TMC1: variants seen among roughly 807,000 people sequenced by gnomAD.
The protein encoded by TMC1 is transmembrane channel like 1.
A neutral mutation model predicts 105.8 loss-of-function variants in TMC1; 84 were observed. That is an observed-to-expected ratio of 0.79 (90% confidence interval 0.67 to 0.95). The LOEUF is 0.95. TMC1 is among the 40% of genes least tolerant of loss of function. The probability of loss-of-function intolerance (pLI) is 0.00; values close to 1 mark genes in which losing one functional copy is unlikely to be tolerated. For missense variants in TMC1, 817 were observed against 914.1 expected (o/e 0.89, Z 1.37); for synonymous variants, 315 against 311.5 (o/e 1.01, Z -0.12).
At chr9:72,650,046 C>G (rs956707513) in intron 5 of TMC1, among the ~76,000 whole-genome samples, 1 of 152,070 alleles carries the variant, frequency 6.6e-6, no homozygotes, top group African/African-American at 2.4e-5. Context: ...AGTTTAACAG[C>G]TTTATTTTAA....
intron 1 of TMC1, among the ~76,000 whole-genome samples, chr9:72,532,317 G>C (rs1823510030): frequency 6.6e-6 from 1 of 151,942 alleles, no homozygotes; most frequent in Admixed American, 6.6e-5. Flanking sequence ...GAGGCGGGCA[G>C]ATCACTTGAG....
intron 18 of TMC1, among the ~76,000 whole-genome samples, chr9:72,812,576 C>T (rs1828723692): frequency 6.6e-6 from 1 of 152,204 alleles, no homozygotes; most frequent in African/African-American, 2.4e-5. Context: ...CCTGTGAAAA[C>T]AGCATTTCTG....
chr9:72,704,433 C>G (rs578181637), intron 8 of TMC1, among the ~76,000 whole-genome samples: 48 of 152,256 alleles, frequency 3.2e-4, no homozygotes, highest in African/African-American at 1.0e-3. Context: ...ATGGGAGACT[C>G]AGAGATAGTT....
At chr9:72,649,883 C>G (rs1271797590) in intron 5 of TMC1, among the ~76,000 whole-genome samples, 1 of 152,128 alleles carries the variant, frequency 6.6e-6, no homozygotes, top group African/African-American at 2.4e-5. Flanking sequence ...GTAGTTTTTA[C>G]AAAAACTTGT....
At chr9:72,739,431 C>T (rs188503062) in intron 8 of TMC1, among the ~76,000 whole-genome samples, 1 of 152,296 alleles carries the variant, frequency 6.6e-6, no homozygotes, top group African/African-American at 2.4e-5. Flanking sequence ...ATGTAGCATG[C>T]TTGCATTATG....
intron 19 of TMC1, chr9:72,817,240 A>C (rs374155855): frequency 6.6e-6 from 1 of 152,164 alleles, no homozygotes. Context: ...TGACTAGGTG[A>C]ATCAATATGG....
chr9:72,753,229 C>T (rs1827611255), intron 11 of TMC1, among the ~76,000 whole-genome samples: 6 of 148,242 alleles, frequency 4.0e-5, no homozygotes. Context: ...CCCAAGTGCA[C>T]ACTTTCAGGT....
intron 17 of TMC1, among the ~76,000 whole-genome samples, chr9:72,798,176 C>G (rs1828405465): frequency 6.6e-6 from 1 of 152,124 alleles, no homozygotes; most frequent in African/African-American, 2.4e-5. Flanking sequence ...GATACCAGCT[C>G]TCACCAGTCA....
At position 72,739,610 on chromosome 9, in the gene TMC1, T is replaced by G. The variant is rs114939993; in HGVS notation, c.363-509T>G. On this transcript the variant is annotated intron_variant, in intron 8 of 23. Coordinates refer to ENST00000297784, the MANE Select transcript of TMC1 (RefSeq NM_138691.3). ...CTTTCTCTTCTCAACCCCATTTACT[T>G]TACAGAATGATTTTTCTGTTTTAAG... Among the ~76,000 whole-genome samples, 1,301 of 152,312 alleles carry G rather than the reference T, an allele frequency of 8.5e-3. 13 individuals are homozygous for G. The highest frequency in any genetic ancestry group is 0.03 in the African/African-American group (1,234 of 41,560).
intron 21 of TMC1, among the ~76,000 whole-genome samples, chr9:72,827,973 G>T (rs369264203): frequency 1.1e-4 from 16 of 152,308 alleles, no homozygotes; most frequent in African/African-American, 3.8e-4. Context: ...GTGAGGGCAG[G>T]TTTATCTTCT....
intron 2 of TMC1, among the ~76,000 whole-genome samples, chr9:72,605,294 A>G (rs1031187939): frequency 6.6e-6 from 1 of 152,192 alleles, no homozygotes; most frequent in Non-Finnish European, 1.5e-5. Flanking sequence ...ATTTCTGGGG[A>G]TGAGGAATCC....
intron 6 of TMC1, 82 bp from the exon 7 acceptor site, chr9:72,694,461 A>C (rs1588035580): frequency 9.7e-6 from 12 of 1,236,786 alleles, no homozygotes; most frequent in East Asian, 5.0e-5. Context: ...GTGTAATAAT[A>C]GTTATTAAAA....
At chr9:72,717,068 G>T (rs1321466175) in intron 8 of TMC1, among the ~76,000 whole-genome samples, 1 of 152,172 alleles carries the variant, frequency 6.6e-6, no homozygotes, top group Non-Finnish European at 1.5e-5. Flanking sequence ...CCCTACTTTG[G>T]CTTGCCCTCC....
intron 18 of TMC1, among the ~76,000 whole-genome samples, chr9:72,808,410 C>T (rs1277660729): frequency 1.3e-5 from 2 of 152,198 alleles, no homozygotes; most frequent in Non-Finnish European, 2.9e-5. Context: ...CTTCTCTGAC[C>T]ACCTATTCTA....
intron 13 of TMC1, among the ~76,000 whole-genome samples, chr9:72,782,631 T>G (rs759984429): frequency 4.6e-5 from 7 of 152,172 alleles, no homozygotes; most frequent in Non-Finnish European, 8.8e-5. Flanking sequence ...AAAAAACCAA[T>G]GTACATTTCT....
At chr9:72,768,665 T>A (rs1188721940) in intron 12 of TMC1, among the ~76,000 whole-genome samples, 1 of 151,990 alleles carries the variant, frequency 6.6e-6, no homozygotes, top group Non-Finnish European at 1.5e-5. Flanking sequence ...GGGCTTTGGT[T>A]ATGATCTAGT....
intron 2 of TMC1, among the ~76,000 whole-genome samples, chr9:72,607,002 T>TATATATAGAGAGAGAGAGAGAG (rs372785242): frequency 1.4e-3 from 184 of 134,940 alleles, no homozygotes; most frequent in Middle Eastern, 7.8e-3. Context: ...TATATATATA[T>TATATATAGAGAGAGAGAGAGAG]AGAGAGAGAG....
At chr9:72,638,354 T>C (rs548907935) in intron 4 of TMC1, among the ~76,000 whole-genome samples, 1 of 152,282 alleles carries the variant, frequency 6.6e-6, no homozygotes, top group African/African-American at 2.4e-5. Flanking sequence ...CTTCCTTTCC[T>C]TGGCTTTCTC....
At chr9:72,661,164 CAAAA>C (rs1200989240) in intron 5 of TMC1, among the ~76,000 whole-genome samples, 1 of 152,070 alleles carries the variant, frequency 6.6e-6, no homozygotes, top group African/African-American at 2.4e-5. Context: ...AACAAACAAA[CAAAA>C]AGAATGTAAA....
Sources: gnomAD v4.1 joint callset for allele counts (sites outside exome capture counted in the v4.1 genomes callset) on GRCh38, gnomAD v4.1.1 for gene constraint, MANE v1.5 for transcripts, NCBI Gene and HGNC (gene_info 2026-07-23, HGNC 2026-07-21) for gene names.